MSI2: variants seen among roughly 807,000 people sequenced by gnomAD.
The protein encoded by MSI2 is musashi RNA binding protein 2, also known as RNA-binding protein Musashi homolog 2.
Under a neutral mutation model 45.6 loss-of-function variants are expected in MSI2, and 17 were observed. The ratio of observed to expected loss-of-function variants is 0.37; its 90% CI spans 0.26 to 0.56. MSI2 has a LOEUF of 0.56. MSI2 is among the 20% of genes least tolerant of loss of function. The probability of loss-of-function intolerance (pLI) is 0.77; values close to 1 mark genes in which losing one functional copy is unlikely to be tolerated. For synonymous variants in MSI2, 156 were observed against 158.2 expected (o/e 0.99, Z 0.11); for missense variants, 293 against 444.2 (o/e 0.66, Z 3.06).
Position 57,642,250 on chromosome 17 carries a change from G to A in MSI2, c.728-9849G>A, listed in dbSNP as rs117044535. Among the ~76,000 whole-genome samples, 461 of 152,288 alleles carry A rather than the reference G, an allele frequency of 3.0e-3. 2 individuals carry two copies. Among genetic ancestry groups the A allele is most frequent in the Non-Finnish European group, 4.8e-3 (329 of 68,018 alleles). On this transcript the variant is annotated intron_variant, in intron 10 of 13. Coordinates refer to ENST00000284073, the MANE Select transcript of MSI2 (RefSeq NM_138962.4). ...TGAATCAAAGTGGTGAGACCTTTTG[G>A]GGGTAGGTCAAGATCATAGCTATGG... is the stretch of plus-strand genomic sequence containing the variant.
intron 9 of MSI2, among the ~76,000 whole-genome samples, chr17:57,625,241 G>C (rs1908688687): frequency 1.3e-5 from 2 of 152,238 alleles, no homozygotes; most frequent in African/African-American, 2.4e-5. Context: ...TTGGGGGCCA[G>C]AGGCAGGACT....
At chr17:57,295,879 G>T (rs1007636793) in intron 5 of MSI2, among the ~76,000 whole-genome samples, 1 of 152,022 alleles carries the variant, frequency 6.6e-6, no homozygotes, top group Non-Finnish European at 1.5e-5. Context: ...TGGGGGAGAG[G>T]AGGAAGGAAT....
chr17:57,305,494 G>A (rs1367245411), intron 5 of MSI2, among the ~76,000 whole-genome samples: 1 of 152,206 alleles, frequency 6.6e-6, no homozygotes, highest in Non-Finnish European at 1.5e-5. Flanking sequence ...AAGACCTCTA[G>A]CAGCCAGGGC....
At chr17:57,593,335 T>C (rs975891506) in intron 7 of MSI2, among the ~76,000 whole-genome samples, 1 of 152,202 alleles carries the variant, frequency 6.6e-6, no homozygotes, top group Admixed American at 6.5e-5. Context: ...CAGAAACTTC[T>C]TGTCTCACAG....
chr17:57,599,741 G>C (rs1011929371), intron 8 of MSI2, among the ~76,000 whole-genome samples: 1 of 152,230 alleles, frequency 6.6e-6, no homozygotes, highest in African/African-American at 2.4e-5. Flanking sequence ...ACAGTTATGA[G>C]CTCCAAGGTG....
intron 6 of MSI2, among the ~76,000 whole-genome samples, chr17:57,434,347 G>A (rs371095426): frequency 1.3e-5 from 2 of 152,138 alleles, no homozygotes; most frequent in African/African-American, 2.4e-5. Flanking sequence ...CAATCTGCCC[G>A]CCTCGGCCTC....
At chr17:57,586,056 C>T (rs955970502) in intron 7 of MSI2, among the ~76,000 whole-genome samples, 1 of 152,238 alleles carries the variant, frequency 6.6e-6, no homozygotes, top group Non-Finnish European at 1.5e-5. Context: ...GTTTCTCTCT[C>T]GCCAAGAACT....
In MSI2 at chr17:57,480,026, G is replaced by C. The variant is rs192235101; in HGVS notation, c.406-49650G>C. ...GGAGTCTTGCTCTGTCACCCAAGCTGGAGTGCAGTGGCGCAGTCTCAGCTC... is the reference window on the plus strand; with the variant it reads ...GGAGTCTTGCTCTGTCACCCAAGCTCGAGTGCAGTGGCGCAGTCTCAGCTC... On this transcript the variant is annotated intron_variant, in intron 6 of 13. Transcript: ENST00000284073. 4.7e-3 allele frequency among the ~76,000 whole-genome samples: 708 copies of C among 152,210 alleles called. 5 individuals carry two copies. The highest frequency in any genetic ancestry group is 0.016 in the African/African-American group (669 of 41,552).
intron 5 of MSI2, among the ~76,000 whole-genome samples, chr17:57,367,916 A>G (rs1216258838): frequency 6.6e-6 from 1 of 152,060 alleles, no homozygotes; most frequent in Non-Finnish European, 1.5e-5. Flanking sequence ...GTTCTCTTCC[A>G]GTGATGGGGA....
intron 6 of MSI2, among the ~76,000 whole-genome samples, chr17:57,422,951 C>G (rs1336708066): frequency 6.6e-6 from 1 of 152,110 alleles, no homozygotes; most frequent in Non-Finnish European, 1.5e-5. Context: ...ACACTGGTCT[C>G]TGGACTGGTG....
At chr17:57,395,042 A>G (rs1455075923) in intron 5 of MSI2, among the ~76,000 whole-genome samples, 1 of 152,158 alleles carries the variant, frequency 6.6e-6, no homozygotes, top group Non-Finnish European at 1.5e-5. Context: ...AAACTGTCCC[A>G]TACCTCTCTC....
At chr17:57,691,232 T>G in the MSI2 span, among the ~76,000 whole-genome samples, 1 of 151,384 alleles carries the variant, frequency 6.6e-6, no homozygotes, top group Admixed American at 6.6e-5. Context: ...TCTATCTATC[T>G]ATCTATCTAT....
At chr17:57,459,453 G>A (rs148405510) in intron 6 of MSI2, among the ~76,000 whole-genome samples, 722 of 152,268 alleles carry the variant, frequency 4.7e-3, no homozygotes, top group Middle Eastern at 0.02. Context: ...CATCAGAATG[G>A]TAGGAGGCCC....
chr17:57,451,805 C>A (rs1199235866), intron 6 of MSI2, among the ~76,000 whole-genome samples: 1 of 152,182 alleles, frequency 6.6e-6, no homozygotes, highest in African/African-American at 2.4e-5. Context: ...CCTTGTGAAG[C>A]TGTAGTCTTT....
intron 6 of MSI2, among the ~76,000 whole-genome samples, chr17:57,520,013 C>T (rs1382603516): frequency 6.6e-6 from 1 of 151,740 alleles, no homozygotes; most frequent in East Asian, 1.9e-4. Context: ...GCAGACAAAT[C>T]GAGACCCCAT....
downstream of MSI2, chr17:57,685,543 G>C (rs1913856116): frequency 6.6e-6 from 1 of 152,212 alleles, no homozygotes; most frequent in African/African-American, 2.4e-5. Flanking sequence ...GTCTTCCGGT[G>C]AAAACCAGAA....
chr17:57,639,358 T>A (rs553295599), intron 10 of MSI2, among the ~76,000 whole-genome samples: 1 of 152,344 alleles, frequency 6.6e-6, no homozygotes, highest in South Asian at 2.1e-4. Flanking sequence ...CCTACCTCCA[T>A]GGATTCCCCA....
chr17:57,588,891 G>A (rs1244177341), intron 7 of MSI2, among the ~76,000 whole-genome samples: 2 of 152,166 alleles, frequency 1.3e-5, no homozygotes, highest in African/African-American at 4.8e-5. Flanking sequence ...GTCCCACTGG[G>A]GCCTCAGTTC....
chr17:57,490,129 C>T (rs1215890420), intron 6 of MSI2, among the ~76,000 whole-genome samples: 1 of 152,192 alleles, frequency 6.6e-6, no homozygotes, highest in Non-Finnish European at 1.5e-5. Context: ...ATTTCCTCAT[C>T]TATAAAATGG....
Sources: allele counts gnomAD v4.1 joint callset (sites outside exome capture counted in the v4.1 genomes callset), GRCh38; gene constraint gnomAD v4.1.1; transcripts MANE v1.5; gene names NCBI Gene and HGNC (gene_info 2026-07-23, HGNC 2026-07-21).